BABAM2: variants seen among roughly 807,000 people sequenced by gnomAD.
The protein encoded by BABAM2 is BRISC and BRCA1 A complex member 2.
In BABAM2, 31 loss-of-function variants were observed where a neutral mutation model predicts 54.7. That is an observed-to-expected ratio of 0.57 (90% confidence interval 0.43 to 0.77). The LOEUF (loss-of-function observed/expected upper bound fraction) is 0.77, where lower values mean the gene tolerates loss of function less well. Among genes scored for constraint, BABAM2 ranks in the 30% least tolerant of loss-of-function variants. The probability of loss-of-function intolerance (pLI) is 0.00; values close to 1 mark genes in which losing one functional copy is unlikely to be tolerated. For missense variants in BABAM2, 364 were observed against 455.8 expected (o/e 0.80, Z 1.83); for synonymous variants, 167 against 162.9 (o/e 1.03, Z -0.19).
At chr2:28,202,574 A>G (rs1678394060) in intron 7 of BABAM2, among the ~76,000 whole-genome samples, 1 of 152,186 alleles carries the variant, frequency 6.6e-6, no homozygotes, top group African/African-American at 2.4e-5. Context: ...GACTTACCCA[A>G]GTTGGACTTA....
At chr2:27,922,209 T>C (rs1176207284) in intron 2 of BABAM2, among the ~76,000 whole-genome samples, 2 of 152,224 alleles carry the variant, frequency 1.3e-5, no homozygotes, top group African/African-American at 4.8e-5. Flanking sequence ...GTTAGTAATA[T>C]GCTAAAATTT....
intron 7 of BABAM2, among the ~76,000 whole-genome samples, chr2:28,224,130 T>C (rs1680659220): frequency 1.3e-5 from 2 of 152,216 alleles, no homozygotes; most frequent in Non-Finnish European, 2.9e-5. Context: ...CTTCAAACAG[T>C]TTAATTTACC....
At position 27,894,624 on chromosome 2, in the gene BABAM2, G is replaced by A. The variant is rs777948160; in HGVS notation, c.68G>A (p.Arg23Gln). 1.9e-5 allele frequency: 30 copies of A among 1,614,008 alleles called. No homozygotes were observed. Among genetic ancestry groups the A allele is most frequent in the Non-Finnish European group, 2.5e-5 (29 of 1,180,004 alleles). The change falls in exon 2 of 12, where the codon CGG becomes CAG. Residue 23 changes from arginine to glutamine, a missense_variant. Physicochemically the swap from Arg to Gln is conservative, Grantham distance 43. Coordinates refer to ENST00000379624, the MANE Select transcript of BABAM2 (RefSeq NM_199191.3). ...MLSPFISSVV[R>Q]NGKVGLDATN... ...TCCCCTTTCATATCTAGCGTGGTCC[G>A]GAATGGAAAAGTGGGACTGGATGCT...
intron 10 of BABAM2, among the ~76,000 whole-genome samples, chr2:28,292,118 A>G (rs568520832): frequency 1.9e-4 from 29 of 152,362 alleles, no homozygotes; most frequent in African/African-American, 6.5e-4. Context: ...AAGCGCATCT[A>G]TGAGTATCTT....
At chr2:28,043,516 C>G (rs180779161) in intron 5 of BABAM2, among the ~76,000 whole-genome samples, 18 of 152,192 alleles carry the variant, frequency 1.2e-4, no homozygotes, top group African/African-American at 4.3e-4. Context: ...TCCTTCTACA[C>G]TCCCAGATTC....
intron 5 of BABAM2, among the ~76,000 whole-genome samples, chr2:28,027,020 C>T (rs1255322216): frequency 3.6e-5 from 4 of 112,058 alleles, no homozygotes; most frequent in African/African-American, 1.1e-4. Flanking sequence ...AAAAGAAACC[C>T]CAAAAAAAGA....
At chr2:28,240,870 C>CAAAAAAAAAAAAAACAAAAAAA (rs1682352935) in intron 8 of BABAM2, among the ~76,000 whole-genome samples, 1 of 109,156 alleles carries the variant, frequency 9.2e-6, no homozygotes. Context: ...GACTCTGTCT[C>CAAAAAAAAAAAAAACAAAAAAA]AAAAAAAAAA....
At chr2:28,015,095 T>C (rs1674701263) in intron 4 of BABAM2, among the ~76,000 whole-genome samples, 1 of 152,164 alleles carries the variant, frequency 6.6e-6, no homozygotes, top group Non-Finnish European at 1.5e-5. Context: ...CAAAGCAGCA[T>C]ATGACAGCAT....
intron 10 of BABAM2, among the ~76,000 whole-genome samples, chr2:28,286,321 A>G (rs1686806960): frequency 6.6e-6 from 1 of 152,110 alleles, no homozygotes; most frequent in Admixed American, 6.5e-5. Context: ...TGCTGGGGGC[A>G]TTATAGGAAA....
chr2:28,265,876 C>T (rs1684942002), intron 10 of BABAM2, among the ~76,000 whole-genome samples: 1 of 152,162 alleles, frequency 6.6e-6, no homozygotes, highest in Non-Finnish European at 1.5e-5. Context: ...CCCATCCCCA[C>T]CTGTTCCCAG....
intron 2 of BABAM2, among the ~76,000 whole-genome samples, chr2:27,922,443 G>A (rs1436523822): frequency 6.6e-6 from 1 of 152,142 alleles, no homozygotes; most frequent in East Asian, 1.9e-4. Context: ...ATTTTATTGC[G>A]TCAATGATTA....
At chr2:28,093,580 T>C (rs912427305) in intron 6 of BABAM2, among the ~76,000 whole-genome samples, 3 of 152,180 alleles carry the variant, frequency 2.0e-5, no homozygotes, top group Admixed American at 6.5e-5. Flanking sequence ...ATACCTGTAA[T>C]AGGAATAAAG....
At position 28,251,659 on chromosome 2, in the gene BABAM2, T is replaced by C. The variant is rs534137767; in HGVS notation, c.934+6797T>C. On this transcript the variant is annotated intron_variant, in intron 10 of 11. Coordinates refer to ENST00000379624, the MANE Select transcript of BABAM2 (RefSeq NM_199191.3). ...CTACATAAATCGGTAAAACCAAAAC[T>C]GTGATGTTGCTCAAAACCTGCTTAC... is the stretch of plus-strand genomic sequence containing the variant. Among the ~76,000 whole-genome samples, 12 of 152,310 alleles carry C rather than the reference T, an allele frequency of 7.9e-5. No homozygotes were observed. In the South Asian group the frequency reaches 2.3e-3, roughly 29 times the overall value.
chr2:28,129,211 G>C, intron 6 of BABAM2, 60 bp from the exon 7 acceptor site: 4 of 1,463,778 alleles, frequency 2.7e-6, no homozygotes, highest in Non-Finnish European at 3.8e-6. Flanking sequence ...CTGTGAGCTT[G>C]ACACTAATAA....
chr2:28,080,199 A>T lies in BABAM2; in HGVS notation c.570+34400A>T, dbSNP rs1665042722. On this transcript the variant is annotated intron_variant, in intron 6 of 11. Transcript: ENST00000379624. ...TTAATGGTGTGACTCTGGGGAAAGT[A>T]AAGAAACCTCTCTGAGCTCCAGTCT... Among the ~76,000 whole-genome samples, 3 of 152,182 alleles carry T rather than the reference A, an allele frequency of 2.0e-5. No individual in the cohort carries two copies. The South Asian group carries it at 6.2e-4, about 32-fold the overall frequency.
At chr2:28,054,137 C>G (rs1678211423) in intron 6 of BABAM2, among the ~76,000 whole-genome samples, 1 of 152,046 alleles carries the variant, frequency 6.6e-6, no homozygotes, top group African/African-American at 2.4e-5. Flanking sequence ...GATCCCTTTT[C>G]TAGATGATGG....
In BABAM2 at chr2:27,912,577, T is replaced by C. The variant is rs1407386953; in HGVS notation, c.129-17255T>C. Among the ~76,000 whole-genome samples, 3 of 152,162 alleles carry C rather than the reference T, an allele frequency of 2.0e-5. No individual in the cohort carries two copies. In the East Asian group the frequency reaches 5.8e-4, roughly 29 times the overall value. ...TGGAAGATTGGAATTATAGGTAGAT[T>C]GGCAGGAATTCAGGACGCGAGAGAC... On this transcript the variant is annotated intron_variant, in intron 2 of 11. Transcript: ENST00000379624.
intron 9 of BABAM2, among the ~76,000 whole-genome samples, chr2:28,244,045 G>A (rs1374311483): frequency 6.6e-6 from 1 of 152,188 alleles, no homozygotes; most frequent in Admixed American, 6.5e-5. Context: ...GGAAATGGAT[G>A]AGTTGAGGCT....
At chr2:28,301,413 G>A (rs949420849) in intron 11 of BABAM2, among the ~76,000 whole-genome samples, 35 of 152,192 alleles carry the variant, frequency 2.3e-4, no homozygotes, top group African/African-American at 8.4e-4. Flanking sequence ...AGGCTTTGGG[G>A]TCATGTGTGC....
Sources: allele counts gnomAD v4.1 joint callset (sites outside exome capture counted in the v4.1 genomes callset), GRCh38; gene constraint gnomAD v4.1.1; transcripts MANE v1.5; gene names NCBI Gene and HGNC (gene_info 2026-07-23, HGNC 2026-07-21).